Variants in RPS6KC1 observed in about 807,000 individuals in gnomAD.
RPS6KC1 encodes inactive ribosomal protein S6 kinase delta-1.
RPS6KC1 carries 54 observed loss-of-function variants against 103.8 expected under a neutral mutation model. The observed-to-expected ratio is 0.52, with a 90% CI of 0.42 to 0.65. RPS6KC1 has a LOEUF of 0.65. RPS6KC1 is among the 30% of genes least tolerant of loss of function. The pLI is 0.00. For missense variants in RPS6KC1, 1,151 were observed against 1,253.8 expected (o/e 0.92, Z 1.24); for synonymous variants, 439 against 438.7 (o/e 1.00, Z -0.01).
At chr1:213,125,221 CTGTG>C (rs941097469) in intron 5 of RPS6KC1, among the ~76,000 whole-genome samples, 2 of 151,864 alleles carry the variant, frequency 1.3e-5, no homozygotes, top group African/African-American at 4.8e-5. Context: ...AGCCTTTTTT[CTGTG>C]TGTGTTTGTT....
chr1:213,443,233 A>C, the RPS6KC1 span, among the ~76,000 whole-genome samples: 2 of 152,166 alleles, frequency 1.3e-5, no homozygotes, highest in Non-Finnish European at 2.9e-5. Context: ...GCCATTGTTT[A>C]AGTTGAGGAA....
chr1:213,542,424 G>A, the RPS6KC1 span, among the ~76,000 whole-genome samples: 2 of 152,208 alleles, frequency 1.3e-5, no homozygotes, highest in South Asian at 2.1e-4. Flanking sequence ...AGAAGGATGG[G>A]ACAGGCCATT....
At chr1:213,819,035 T>A in the RPS6KC1 span, 2 of 152,220 alleles carry the variant, frequency 1.3e-5, no homozygotes, top group African/African-American at 4.8e-5. Context: ...CCAAATACAT[T>A]TGTTGAGTGC....
At chr1:213,466,119 A>C in the RPS6KC1 span, among the ~76,000 whole-genome samples, 1 of 152,100 alleles carries the variant, frequency 6.6e-6, no homozygotes, top group Non-Finnish European at 1.5e-5. Flanking sequence ...ACCTAACTCA[A>C]ATTCTTTTGG....
chr1:213,545,435 G>T, the RPS6KC1 span, among the ~76,000 whole-genome samples: 9 of 64,234 alleles, frequency 1.4e-4, no homozygotes, highest in Admixed American at 2.4e-4. Flanking sequence ...TAAAATAAAA[G>T]AGAGAGAGAG....
At chr1:213,581,687 C>G in the RPS6KC1 span, among the ~76,000 whole-genome samples, 3 of 152,092 alleles carry the variant, frequency 2.0e-5, no homozygotes, top group Non-Finnish European at 4.4e-5. Context: ...CCAATATCTG[C>G]AGCAAGCATG....
At chr1:213,161,096 G>A (rs779819843) in intron 6 of RPS6KC1, among the ~76,000 whole-genome samples, 3 of 152,098 alleles carry the variant, frequency 2.0e-5, no homozygotes, top group Non-Finnish European at 2.9e-5. Context: ...CTATGACAGT[G>A]CTGAGATGAC....
intron 8 of RPS6KC1, among the ~76,000 whole-genome samples, chr1:213,188,039 G>A (rs1256096220): frequency 1.3e-5 from 2 of 152,084 alleles, no homozygotes; most frequent in East Asian, 3.9e-4. Context: ...TTGTGCCCAG[G>A]AGTCCATACC....
chr1:213,138,542 A>G (rs575893442), intron 6 of RPS6KC1, among the ~76,000 whole-genome samples: 8 of 152,158 alleles, frequency 5.3e-5, no homozygotes, highest in South Asian at 2.1e-4. Flanking sequence ...CTCAGTGTCT[A>G]TTGTTCCCTT....
At chr1:213,234,781 T>C (rs1330036992) in intron 10 of RPS6KC1, among the ~76,000 whole-genome samples, 3 of 152,260 alleles carry the variant, frequency 2.0e-5, no homozygotes, top group Admixed American at 2.0e-4. Context: ...TCACTGGCTC[T>C]TGTATGGGGA....
At chr1:213,601,085 A>G in the RPS6KC1 span, among the ~76,000 whole-genome samples, 1 of 152,212 alleles carries the variant, frequency 6.6e-6, no homozygotes, top group Non-Finnish European at 1.5e-5. Flanking sequence ...GCATGGTGCC[A>G]GATTCAGGGT....
chr1:213,426,186 C>T, the RPS6KC1 span, among the ~76,000 whole-genome samples: 3 of 152,128 alleles, frequency 2.0e-5, no homozygotes, highest in Non-Finnish European at 4.4e-5. Flanking sequence ...GTGACCTCTC[C>T]AACTGGCTGT....
chr1:213,220,120 A>G (rs967014786), intron 8 of RPS6KC1, among the ~76,000 whole-genome samples: 6 of 152,172 alleles, frequency 3.9e-5, no homozygotes, highest in African/African-American at 9.6e-5. Flanking sequence ...AGAAATATTG[A>G]TATTTACATT....
chr1:213,514,419 C>G, the RPS6KC1 span, among the ~76,000 whole-genome samples: 1 of 135,000 alleles, frequency 7.4e-6, no homozygotes, highest in Non-Finnish European at 1.5e-5. Context: ...TGTGATGTTG[C>G]ACTTCCTCTG....
At chr1:213,510,393 C>G in the RPS6KC1 span, among the ~76,000 whole-genome samples, 2 of 152,122 alleles carry the variant, frequency 1.3e-5, no homozygotes, top group Admixed American at 6.6e-5. Flanking sequence ...AGGTTAAGTA[C>G]TGTGTAGTTT....
At chr1:213,178,616 AG>A (rs2092051361) in intron 8 of RPS6KC1, among the ~76,000 whole-genome samples, 1 of 152,130 alleles carries the variant, frequency 6.6e-6, no homozygotes, top group Admixed American at 6.5e-5. Flanking sequence ...GACTTTTGAC[AG>A]TAGAAGAATT....
At chr1:213,797,234 C>T in the RPS6KC1 span, among the ~76,000 whole-genome samples, 1 of 152,222 alleles carries the variant, frequency 6.6e-6, no homozygotes, top group Non-Finnish European at 1.5e-5. Flanking sequence ...CAACAAACTA[C>T]TCTCTTATAA....
the RPS6KC1 span, among the ~76,000 whole-genome samples, chr1:213,707,275 T>G: frequency 6.6e-6 from 1 of 152,094 alleles, no homozygotes; most frequent in Non-Finnish European, 1.5e-5. Flanking sequence ...ATTGTGGTTT[T>G]GATTTGCATT....
the RPS6KC1 span, among the ~76,000 whole-genome samples, chr1:213,406,218 G>A: frequency 6.6e-6 from 1 of 152,240 alleles, no homozygotes. Flanking sequence ...AGTCTGGTGA[G>A]CAGGCTGCAG....
Sources: allele counts gnomAD v4.1 joint callset (sites outside exome capture counted in the v4.1 genomes callset), GRCh38; gene constraint gnomAD v4.1.1; transcripts MANE v1.5; gene names NCBI Gene and HGNC (gene_info 2026-07-23, HGNC 2026-07-21).